TDP1: variants seen among roughly 807,000 people sequenced by gnomAD.
TDP1 encodes the protein tyrosyl-DNA phosphodiesterase 1, also known as tyr-DNA phosphodiesterase 1.
A neutral mutation model predicts 81.5 loss-of-function variants in TDP1; 64 were observed. The observed-to-expected ratio is 0.79, with a 90% CI of 0.64 to 0.97. TDP1 has a LOEUF of 0.97. Ranked by LOEUF, TDP1 falls within the 50% of genes least tolerant of loss-of-function variation. The pLI, the probability that TDP1 is intolerant of heterozygous loss-of-function variation, is 0.00. For missense variants in TDP1, 723 were observed against 743.8 expected, an observed-to-expected ratio of 0.97 and a Z score of 0.33; for synonymous variants, 256 against 264.3, an observed-to-expected ratio of 0.97 and a Z score of 0.30.
chr14:89,955,533 G>C (rs1187334599), upstream of TDP1: 1 of 152,274 alleles, frequency 6.6e-6, no homozygotes, highest in Non-Finnish European at 1.5e-5. Context: ...TTTTGCAGCA[G>C]ATTTCAAAGT....
At chr14:89,987,885 A>T in intron 10 of TDP1, among the ~76,000 whole-genome samples, 1 of 152,138 alleles carries the variant, frequency 6.6e-6, no homozygotes, top group East Asian at 1.9e-4. Context: ...CATTTTTTTT[A>T]AAGAAATATG....
chr14:89,991,839 T>A lies in TDP1; in HGVS notation c.1367-78T>A, dbSNP rs34272965. The A allele has an allele frequency of 8.0e-3, 11,283 of 1,404,294 alleles. 701 individuals carry two copies. In the African/African-American group the frequency reaches 0.14, roughly 17 times the overall value. 87.0% of individuals were successfully genotyped at this position (1,404,294 alleles called of 1,614,324 possible). A position where few individuals can be genotyped will look rare whatever the true frequency, so the allele number is the denominator to read the frequency against. ...TTTTTCCTGTTACCTTCTTGCTGTT[T>A]ATTGTAGATTTTCCTCTTAATGAGG... On this transcript the variant is annotated intron_variant, in intron 12 of 16. Transcript: ENST00000335725.
At chr14:89,968,309 C>G (rs753616996) in intron 5 of TDP1, among the ~76,000 whole-genome samples, 8 of 152,104 alleles carry the variant, frequency 5.3e-5, no homozygotes, top group Non-Finnish European at 1.0e-4. Flanking sequence ...ATGGGGGCAC[C>G]AGGGTTCTCA....
intron 16 of TDP1, among the ~76,000 whole-genome samples, chr14:90,040,948 A>G (rs12147923): frequency 0.015 from 2,308 of 152,368 alleles, 41 homozygotes; most frequent in Non-Finnish European, 0.021. Context: ...ATTTGCCAAC[A>G]GAGTGGTTAC....
At chr14:90,031,576 G>A (rs987825991) in intron 15 of TDP1, among the ~76,000 whole-genome samples, 1 of 151,928 alleles carries the variant, frequency 6.6e-6, no homozygotes, top group African/African-American at 2.4e-5. Flanking sequence ...AGAACTGCTT[G>A]AACCCGGGTG....
At chr14:89,978,526 G>C (rs1894610466) in intron 7 of TDP1, among the ~76,000 whole-genome samples, 1 of 152,178 alleles carries the variant, frequency 6.6e-6, no homozygotes, top group African/African-American at 2.4e-5. Context: ...CAGTATGGCA[G>C]GTCAGCATTC....
chr14:90,024,031 T>C (rs1042889983), intron 15 of TDP1, among the ~76,000 whole-genome samples: 3 of 152,154 alleles, frequency 2.0e-5, no homozygotes, highest in Admixed American at 1.3e-4. Context: ...GTTACTGCCA[T>C]GGCCCCCACT....
Position 89,975,717 on chromosome 14 carries a change from A to G in TDP1, c.757-64A>G. ...AGTTGACCTGATTGCTTTCTAATGT[A>G]ATTTCCAGTAGATATGGATATTAGT... is the stretch of plus-strand genomic sequence containing the variant. On this transcript the variant is annotated intron_variant, in intron 6 of 16. Coordinates refer to ENST00000335725, the MANE Select transcript of TDP1 (RefSeq NM_018319.4). 2.2e-6 allele frequency: 3 copies of G among 1,390,810 alleles called. No individual in the cohort carries two copies. The Admixed American group carries it at 5.0e-5, about 23-fold the overall frequency. The allele number at this position is 1,390,810 out of a possible 1,614,324, so 86.2% of individuals were successfully genotyped here.
At chr14:90,019,449 T>C in intron 15 of TDP1, 31 bp downstream of exon 15, 2 of 1,166,830 alleles carry the variant, frequency 1.7e-6, no homozygotes, top group Non-Finnish European at 2.6e-6. Context: ...GCACAGTGGG[T>C]CACATGGGAG....
chr14:89,966,253 A>G (rs1379847093), intron 4 of TDP1, 63 bp downstream of exon 4: 13 of 1,045,224 alleles, frequency 1.2e-5, no homozygotes, highest in Non-Finnish European at 1.8e-5. Context: ...AAACAACTCC[A>G]TAAGAAAATA....
chr14:89,958,551 T>C lies in TDP1; in HGVS notation c.-8+1751T>C, dbSNP rs139030583. Among the ~76,000 whole-genome samples the C allele has an allele frequency of 3.3e-5, 5 of 152,048 alleles. No homozygotes were observed. In the East Asian group the frequency reaches 9.7e-4, roughly 29 times the overall value. Reference sequence around the variant, plus strand: ...GAGGGAGTGTGTGCTCCATGGTTTGTGAGTATGCAAAAAAGGCTAAAACAA... The same window carrying C: ...GAGGGAGTGTGTGCTCCATGGTTTGCGAGTATGCAAAAAAGGCTAAAACAA... On this transcript the variant is annotated intron_variant, in intron 2 of 16. Transcript: ENST00000335725.
intron 16 of TDP1, chr14:90,033,461 C>A (rs1887515487): frequency 3.7e-6 from 2 of 540,526 alleles, no homozygotes; most frequent in Middle Eastern, 5.0e-4. Context: ...TGCTGATAAA[C>A]CCCTCATGAA....
intron 15 of TDP1, among the ~76,000 whole-genome samples, chr14:90,024,442 G>C (rs986632812): frequency 2.6e-5 from 4 of 152,200 alleles, no homozygotes; most frequent in Non-Finnish European, 5.9e-5. Context: ...TCCTGGACCA[G>C]AGTGAGCTGA....
rs1420580631 is a variant in TDP1, at chr14:89,967,405, G to A, written c.642G>A (p.Gln214=). 6.2e-7 allele frequency: 1 copy of A among 1,614,026 alleles called. No homozygotes were observed. Among genetic ancestry groups the A allele is most frequent in the East Asian group, 2.2e-5 (1 of 44,862 alleles). Residue 214 remains glutamine (Q), a synonymous_variant, in exon 5 of 17, where the codon CAG becomes CAA. Coordinates refer to ENST00000335725, the MANE Select transcript of TDP1 (RefSeq NM_018319.4). The part of the protein sequence containing the change: ...YCFDVDWLVK[Q]YPPEFRKKPI... ...TTGACGTGGACTGGCTCGTAAAACA[G>A]TATCCACCAGAGTTCAGGTGAGTTC...
intron 3 of TDP1, 81 bp downstream of exon 3, chr14:89,963,754 A>C: frequency 1.3e-6 from 2 of 1,519,184 alleles, no homozygotes; most frequent in African/African-American, 1.4e-5. Flanking sequence ...GGCAGCCTAG[A>C]ATAGTTTCTG....
chr14:90,007,775 TA>T (rs1884218694), intron 14 of TDP1, among the ~76,000 whole-genome samples: 1 of 152,012 alleles, frequency 6.6e-6, no homozygotes, highest in Non-Finnish European at 1.5e-5. Flanking sequence ...GCTAATTTTT[TA>T]TTTTTTTTTA....
intron 10 of TDP1, among the ~76,000 whole-genome samples, chr14:89,988,017 C>T (rs1211171690): frequency 2.0e-5 from 3 of 152,120 alleles, no homozygotes; most frequent in Admixed American, 6.5e-5. Flanking sequence ...AGTTGAGGTT[C>T]CCATGACCCT....
Position 89,991,971 on chromosome 14 carries a change from A to G in TDP1, c.1421A>G (p.His474Arg). The G allele has an allele frequency of 6.2e-7, 1 of 1,612,602 alleles. No homozygotes were observed. Among genetic ancestry groups the G allele is most frequent in the Middle Eastern group, 1.7e-4 (1 of 6,054 alleles). ...ACAGCTGAAAAACAGAATTGGCTGC[A>G]TTCCTATTTTCAGTAAGTAATTGGT... ...IQTAEKQNWL[H>R]SYFHKWSAET... Residue 474 changes from histidine to arginine, a missense_variant, in exon 13 of 17, where the codon CAT (histidine) becomes CGT (arginine). Physicochemically the swap from His to Arg is conservative, Grantham distance 29. Transcript: ENST00000335725.
intron 14 of TDP1, among the ~76,000 whole-genome samples, chr14:89,998,420 A>ATGTATGTATG (rs1555390633): frequency 3.5e-4 from 28 of 79,216 alleles, no homozygotes; most frequent in African/African-American, 1.6e-3. Context: ...ATATATATAT[A>ATGTATGTATG]TATGTATGTA....
Sources: allele counts gnomAD v4.1 joint callset (sites outside exome capture counted in the v4.1 genomes callset), GRCh38; gene constraint gnomAD v4.1.1; transcripts MANE v1.5; gene names NCBI Gene and HGNC (gene_info 2026-07-23, HGNC 2026-07-21).